Variants in PRORP observed in about 807,000 individuals in gnomAD.
The protein encoded by PRORP is protein only RNase P catalytic subunit.
Under a neutral mutation model 59.4 loss-of-function variants are expected in PRORP, and 51 were observed. The ratio of observed to expected loss-of-function variants is 0.86; its 90% CI spans 0.69 to 1.08. PRORP has a LOEUF of 1.08. Among genes scored for constraint, PRORP ranks in the 50% least tolerant of loss-of-function variants. PRORP has a pLI of 0.00. For synonymous variants in PRORP, 231 were observed against 245.6 expected (o/e 0.94, Z 0.55); for missense variants, 646 against 690.3 (o/e 0.94, Z 0.72).
intron 4 of PRORP, among the ~76,000 whole-genome samples, chr14:35,161,609 T>C (rs1303820892): frequency 6.6e-6 from 1 of 152,164 alleles, no homozygotes; most frequent in Non-Finnish European, 1.5e-5. Flanking sequence ...TTTGTTTCTT[T>C]CTAATTTGGG....
intron 5 of PRORP, among the ~76,000 whole-genome samples, chr14:35,232,867 G>A (rs1342493746): frequency 1.3e-5 from 2 of 152,046 alleles, no homozygotes; most frequent in Non-Finnish European, 2.9e-5. Flanking sequence ...TAGAGGCGGG[G>A]TTTCACCATG....
chr14:35,227,168 G>A (rs1168631730), intron 5 of PRORP, among the ~76,000 whole-genome samples: 1 of 151,856 alleles, frequency 6.6e-6, no homozygotes, highest in African/African-American at 2.4e-5. Flanking sequence ...TGTTAGCCAG[G>A]CGCGGTGGCT....
At chr14:35,218,485 A>AAAAAAAAG (rs1348565728) in intron 5 of PRORP, among the ~76,000 whole-genome samples, 1 of 133,048 alleles carries the variant, frequency 7.5e-6, no homozygotes, top group African/African-American at 2.9e-5. Context: ...AAAAAAAAAA[A>AAAAAAAAG]CCAACAACAA....
At chr14:35,174,750 C>CTTTTTTTTTT (rs113505782) in intron 4 of PRORP, among the ~76,000 whole-genome samples, 2 of 132,312 alleles carry the variant, frequency 1.5e-5, no homozygotes, top group Non-Finnish European at 3.1e-5. Context: ...TTTTTTTTTT[C>CTTTTTTTTTT]TTTTTTTTTT....
chr14:35,200,793 TC>T (rs898580104), intron 5 of PRORP, among the ~76,000 whole-genome samples: 3 of 152,114 alleles, frequency 2.0e-5, no homozygotes, highest in African/African-American at 4.8e-5. Context: ...GTTTTTTCTA[TC>T]ACTAAGATAT....
intron 5 of PRORP, among the ~76,000 whole-genome samples, chr14:35,196,115 TAAGTC>T (rs1351854855): frequency 6.6e-6 from 1 of 152,182 alleles, no homozygotes; most frequent in Non-Finnish European, 1.5e-5. Flanking sequence ...TAAAAATAAA[TAAGTC>T]AATAGAAATT....
intron 5 of PRORP, among the ~76,000 whole-genome samples, chr14:35,183,176 G>A (rs7149841): frequency 0.18 from 27,970 of 151,864 alleles, 2,825 homozygotes; most frequent in Admixed American, 0.27. Flanking sequence ...ATAAGTTTGT[G>A]TGTGTATGCC....
chr14:35,254,191 A>G (rs1195043603), intron 5 of PRORP, among the ~76,000 whole-genome samples: 2 of 151,838 alleles, frequency 1.3e-5, no homozygotes, highest in African/African-American at 2.4e-5. Flanking sequence ...AGTCTGCTCA[A>G]TTCTGCTTTA....
intron 4 of PRORP, among the ~76,000 whole-genome samples, chr14:35,168,057 A>G (rs887502008): frequency 6.6e-6 from 1 of 152,240 alleles, no homozygotes; most frequent in South Asian, 2.1e-4. Context: ...GCAATTAGGA[A>G]TAAAGCCACT....
intron 4 of PRORP, 46 bp from the exon 5 acceptor site, chr14:35,180,624 C>G: frequency 8.5e-7 from 1 of 1,174,016 alleles, no homozygotes; most frequent in South Asian, 1.3e-5. Flanking sequence ...ATAATAAAGT[C>G]CTTACTGAGT....
rs570958682 is a variant in PRORP, at chr14:35,276,754, A to T, written c.*3188A>T. ...TCAGTTGTGAACAATGAAGGATTTG[A>T]AAGAGCATTGACTTTGCCACTTAAA... On this transcript the variant is annotated 3_prime_UTR_variant, in exon 8 of 8. Transcript: ENST00000534898. The T allele has an allele frequency of 1.3e-5, 2 of 152,202 alleles. No homozygotes were observed. The highest frequency in any genetic ancestry group is 2.9e-5 in the Non-Finnish European group (2 of 68,040). 9.4% of individuals were successfully genotyped at this position (152,202 alleles called of 1,614,324 possible). A position where few individuals can be genotyped will look rare whatever the true frequency, so the allele number is the denominator to read the frequency against.
intron 4 of PRORP, among the ~76,000 whole-genome samples, chr14:35,177,918 G>T (rs573119564): frequency 1.3e-5 from 2 of 152,296 alleles, no homozygotes; most frequent in Non-Finnish European, 2.9e-5. Flanking sequence ...TGCTTTAAAT[G>T]TGTCCCAGAG....
chr14:35,128,488 CTT>C (rs1345131756), intron 4 of PRORP, among the ~76,000 whole-genome samples: 3 of 151,888 alleles, frequency 2.0e-5, no homozygotes, highest in Admixed American at 1.3e-4. Flanking sequence ...TGCTGGGAGA[CTT>C]TTTATTATGG....
chr14:35,123,349 A>G lies in PRORP; in HGVS notation c.104A>G (p.Asp35Gly). Residue 35 changes from aspartate (D) to glycine (G), a missense_variant, in exon 2 of 8, where the codon GAC becomes GGC. Asp to Gly is a moderately conservative substitution (Grantham distance 94, BLOSUM62 -1). Transcript: ENST00000534898. The stretch of plus-strand genomic sequence containing the variant: ...TCTTATGTCTCGCTGTTTCTGGCAG[A>G]CCGCTGTGGCATCAGGAACCAGCAG... ...GHSYVSLFLA[D>G]RCGIRNQQRL... is the part of the protein sequence containing the mutation. 2 of 1,614,082 alleles carry G rather than the reference A, an allele frequency of 1.2e-6. No homozygotes were observed. Among genetic ancestry groups the G allele is most frequent in the Non-Finnish European group, 1.7e-6 (2 of 1,180,022 alleles).
intron 4 of PRORP, among the ~76,000 whole-genome samples, chr14:35,179,344 G>C (rs1417204502): frequency 6.6e-6 from 1 of 152,196 alleles, no homozygotes; most frequent in Non-Finnish European, 1.5e-5. Flanking sequence ...TTCCAACTTG[G>C]TTCCATTCTC....
intron 5 of PRORP, among the ~76,000 whole-genome samples, chr14:35,260,349 C>T (rs1323494491): frequency 1.3e-5 from 2 of 152,218 alleles, no homozygotes; most frequent in Non-Finnish European, 2.9e-5. Context: ...GCAACAGGCA[C>T]AGGCCAGACC....
intron 4 of PRORP, among the ~76,000 whole-genome samples, chr14:35,151,627 TACACACACACATACACACACACACAC>T (rs2047748908): frequency 8.0e-6 from 1 of 125,016 alleles, no homozygotes; most frequent in Non-Finnish European, 1.6e-5. Flanking sequence ...TCTGACATGC[TACACACACACATACACACACACACAC>T]ACACACACAC....
Position 35,273,448 on chromosome 14 carries a change from A to T in PRORP, c.1634A>T (p.Tyr545Phe). 1 of 1,610,682 alleles carries T rather than the reference A, an allele frequency of 6.2e-7. No homozygotes were observed. Among genetic ancestry groups the T allele is most frequent in the Non-Finnish European group, 8.5e-7 (1 of 1,178,680 alleles). The stretch of plus-strand genomic sequence containing the variant: ...TTAATTCAACAGCGTATTCTCAGCT[A>T]TGACACAGTGGTGCAAACAACTGGA... ...SKLTFQRILSYDTVVQTTGDS... is the reference protein window; with the variant it reads ...SKLTFQRILSFDTVVQTTGDS... The change falls in exon 8 of 8, where the codon TAT becomes TTT. Residue 545 changes from tyrosine (Y) to phenylalanine (F), a missense_variant. By Grantham distance (22) the Tyr-to-Phe change is conservative. Coordinates refer to ENST00000534898, the MANE Select transcript of PRORP (RefSeq NM_014672.4).
chr14:35,166,712 A>G (rs2048194166), intron 4 of PRORP, among the ~76,000 whole-genome samples: 2 of 152,112 alleles, frequency 1.3e-5, no homozygotes, highest in Admixed American at 6.5e-5. Flanking sequence ...CGGCCTCCCA[A>G]AGTGCTGGGA....
Sources: allele counts gnomAD v4.1 joint callset (sites outside exome capture counted in the v4.1 genomes callset), GRCh38; gene constraint gnomAD v4.1.1; transcripts MANE v1.5; gene names NCBI Gene and HGNC (gene_info 2026-07-23, HGNC 2026-07-21).